Variants in PPFIA2 observed in about 807,000 individuals in gnomAD.
The protein encoded by PPFIA2 is liprin-alpha-2.
A neutral mutation model predicts 175.5 loss-of-function variants in PPFIA2; 46 were observed. The observed-to-expected ratio is 0.26, with a 90% CI of 0.21 to 0.34. The LOEUF is 0.34. Ranked by LOEUF, PPFIA2 falls within the 10% of genes least tolerant of loss-of-function variation. The probability of loss-of-function intolerance (pLI) is 1.00; values close to 1 mark genes in which losing one functional copy is unlikely to be tolerated. For missense variants in PPFIA2, 1,179 were observed against 1,506.1 expected, an observed-to-expected ratio of 0.78 and a Z score of 3.60; for synonymous variants, 568 against 511.4, an observed-to-expected ratio of 1.11 and a Z score of -1.49.
intron 4 of PPFIA2, among the ~76,000 whole-genome samples, chr12:81,489,774 A>G (rs2059235606): frequency 1.3e-5 from 2 of 151,892 alleles, no homozygotes; most frequent in African/African-American, 4.8e-5. Flanking sequence ...AAATGTGTCG[A>G]TGCAGCACAC....
At chr12:81,758,806 G>C (rs17554132) in intron 1 of PPFIA2, 3,680 of 159,584 alleles carry the variant, frequency 0.023, 89 homozygotes, top group East Asian at 0.088. Context: ...GGCGGAGACC[G>C]GAGACCGGGG....
At chr12:81,557,414 TG>T (rs1232998258) in intron 4 of PPFIA2, among the ~76,000 whole-genome samples, 3 of 152,004 alleles carry the variant, frequency 2.0e-5, no homozygotes, top group African/African-American at 7.2e-5. Context: ...ATATCTTAAA[TG>T]GATATTTATA....
intron 4 of PPFIA2, among the ~76,000 whole-genome samples, chr12:81,543,493 T>C (rs2066521854): frequency 6.6e-6 from 1 of 152,046 alleles, no homozygotes; most frequent in Admixed American, 6.6e-5. Flanking sequence ...CATAAATAAA[T>C]GATGATATAA....
intron 3 of PPFIA2, among the ~76,000 whole-genome samples, chr12:81,697,233 G>A (rs1355788586): frequency 6.6e-6 from 1 of 152,014 alleles, no homozygotes; most frequent in Non-Finnish European, 1.5e-5. Flanking sequence ...TACACTCCAA[G>A]TGACATATTT....
At chr12:81,502,189 C>A (rs79457264) in intron 4 of PPFIA2, among the ~76,000 whole-genome samples, 3 of 152,094 alleles carry the variant, frequency 2.0e-5, no homozygotes, top group Admixed American at 2.0e-4. Flanking sequence ...CTCAGAGAAC[C>A]AAGTAAGTAG....
At chr12:81,417,697 C>A (rs1592676035) in intron 7 of PPFIA2, among the ~76,000 whole-genome samples, 6 of 151,676 alleles carry the variant, frequency 4.0e-5, no homozygotes, top group Admixed American at 4.0e-4. Context: ...TATCTGTACC[C>A]ATTTCCATTT....
chr12:81,317,095 A>C (rs2052547217), intron 22 of PPFIA2, among the ~76,000 whole-genome samples: 2 of 151,724 alleles, frequency 1.3e-5, no homozygotes, highest in South Asian at 4.1e-4. Context: ...CAATGTGATT[A>C]TTATGTACAT....
chr12:81,364,838 G>A (rs976442012), intron 14 of PPFIA2, among the ~76,000 whole-genome samples: 1 of 151,844 alleles, frequency 6.6e-6, no homozygotes, highest in Non-Finnish European at 1.5e-5. Flanking sequence ...TCAAGACTAA[G>A]TCCAAGTTTT....
Position 81,318,679 on chromosome 12 carries a change from T to A in PPFIA2, c.2642+7098A>T, listed in dbSNP as rs572781594. On this transcript the variant is annotated intron_variant, in intron 22 of 32. Coordinates refer to ENST00000549396, the MANE Select transcript of PPFIA2 (RefSeq NM_003625.5). The stretch of plus-strand genomic sequence containing the variant: ...TTCTGTTTCACTTAGTCATCATCAA[T>A]TCATTTGTGAAGCCCCTTTGGTTAT... 2.6e-5 allele frequency among the ~76,000 whole-genome samples: 4 copies of A among 151,938 alleles called. No individual in the cohort carries two copies. In the South Asian group the frequency reaches 8.3e-4, roughly 31 times the overall value.
intron 4 of PPFIA2, among the ~76,000 whole-genome samples, chr12:81,500,742 A>G (rs987004502): frequency 1.3e-5 from 2 of 152,218 alleles, no homozygotes; most frequent in Admixed American, 6.5e-5. Flanking sequence ...AAAGTCATGC[A>G]TTCATGTGTG....
At chr12:81,611,102 G>A (rs565491537) in intron 4 of PPFIA2, among the ~76,000 whole-genome samples, 1 of 152,164 alleles carries the variant, frequency 6.6e-6, no homozygotes, top group South Asian at 2.1e-4. Context: ...TAGCATTCGC[G>A]GGGAGGAATA....
At chr12:81,686,662 A>G (rs1596384658) in intron 3 of PPFIA2, among the ~76,000 whole-genome samples, 1 of 152,092 alleles carries the variant, frequency 6.6e-6, no homozygotes, top group Non-Finnish European at 1.5e-5. Context: ...GCCATGGCCA[A>G]CCGCCAATTT....
intron 4 of PPFIA2, among the ~76,000 whole-genome samples, chr12:81,614,230 C>A (rs993655132): frequency 1.3e-5 from 2 of 152,004 alleles, no homozygotes; most frequent in African/African-American, 4.8e-5. Flanking sequence ...GGAAATATGA[C>A]ATTAATGAAA....
At chr12:81,308,567 C>G (rs2049937272) in intron 22 of PPFIA2, among the ~76,000 whole-genome samples, 1 of 152,124 alleles carries the variant, frequency 6.6e-6, no homozygotes, top group Non-Finnish European at 1.5e-5. Flanking sequence ...GATAATAGCA[C>G]CTTCCTTATT....
intron 4 of PPFIA2, among the ~76,000 whole-genome samples, chr12:81,486,199 T>A (rs2058797585): frequency 6.6e-6 from 1 of 151,860 alleles, no homozygotes; most frequent in Non-Finnish European, 1.5e-5. Flanking sequence ...GTTGCTACCA[T>A]GATGATCCCA....
intron 4 of PPFIA2, among the ~76,000 whole-genome samples, chr12:81,484,741 G>A (rs1026172526): frequency 4.0e-5 from 6 of 151,720 alleles, no homozygotes; most frequent in African/African-American, 1.2e-4. Context: ...AACTTCATAT[G>A]TTAAATATCT....
intron 4 of PPFIA2, among the ~76,000 whole-genome samples, chr12:81,640,650 G>A (rs1021067589): frequency 1.3e-5 from 2 of 151,836 alleles, no homozygotes; most frequent in South Asian, 2.1e-4. Flanking sequence ...AAACTTTGTC[G>A]AAAACAGAAT....
chr12:81,698,599 T>A (rs1596499596), intron 3 of PPFIA2, among the ~76,000 whole-genome samples: 1 of 152,146 alleles, frequency 6.6e-6, no homozygotes, highest in East Asian at 1.9e-4. Context: ...ACATGAAGAA[T>A]TAGAAGTGTC....
chr12:81,581,907 T>C (rs114713129), intron 4 of PPFIA2, among the ~76,000 whole-genome samples: 209 of 151,988 alleles, frequency 1.4e-3, no homozygotes, highest in African/African-American at 4.9e-3. Flanking sequence ...TTCCAATATA[T>C]TTTCTCTTCA....
Sources: gnomAD v4.1 joint callset for allele counts (sites outside exome capture counted in the v4.1 genomes callset) on GRCh38, gnomAD v4.1.1 for gene constraint, MANE v1.5 for transcripts, NCBI Gene and HGNC (gene_info 2026-07-23, HGNC 2026-07-21) for gene names.